ST6GALNAC3: variants seen among roughly 807,000 people sequenced by gnomAD.
The protein encoded by ST6GALNAC3 is ST6 N-acetylgalactosaminide alpha-2,6-sialyltransferase 3.
A neutral mutation model predicts 32.7 loss-of-function variants in ST6GALNAC3; 25 were observed. The observed-to-expected ratio is 0.76, with a 90% CI of 0.56 to 1.07. The LOEUF (loss-of-function observed/expected upper bound fraction) is 1.07. ST6GALNAC3 is among the 50% of genes least tolerant of loss of function. The probability of loss-of-function intolerance (pLI) is 0.00; values close to 1 mark genes in which losing one functional copy is unlikely to be tolerated. For missense variants in ST6GALNAC3, 355 were observed against 382.4 expected, an observed-to-expected ratio of 0.93 and a Z score of 0.60; for synonymous variants, 129 against 133.1, an observed-to-expected ratio of 0.97 and a Z score of 0.21.
intron 1 of ST6GALNAC3, among the ~76,000 whole-genome samples, chr1:76,157,583 C>T (rs528898671): frequency 5.9e-5 from 9 of 152,324 alleles, no homozygotes; most frequent in African/African-American, 2.2e-4. Flanking sequence ...GGGTTGTTCA[C>T]ATATGTACCA....
intron 3 of ST6GALNAC3, among the ~76,000 whole-genome samples, chr1:76,457,622 A>G (rs1657929246): frequency 6.6e-6 from 1 of 152,072 alleles, no homozygotes. Context: ...TGAGAAAAAC[A>G]AGCAATGGGG....
chr1:76,287,774 C>T (rs1659868324), intron 1 of ST6GALNAC3, among the ~76,000 whole-genome samples: 1 of 152,210 alleles, frequency 6.6e-6, no homozygotes. Flanking sequence ...TCCAGAGCAT[C>T]TGCCAGTTTC....
intron 2 of ST6GALNAC3, among the ~76,000 whole-genome samples, chr1:76,339,549 C>T (rs1188732128): frequency 6.6e-6 from 1 of 152,154 alleles, no homozygotes; most frequent in African/African-American, 2.4e-5. Context: ...ATTACAGCAG[C>T]AATGGGAAAC....
intron 3 of ST6GALNAC3, among the ~76,000 whole-genome samples, chr1:76,592,425 A>G (rs1345234061): frequency 6.6e-6 from 1 of 152,182 alleles, no homozygotes; most frequent in Non-Finnish European, 1.5e-5. Context: ...CAGAAATGAG[A>G]AAAGGGTTGA....
intron 3 of ST6GALNAC3, among the ~76,000 whole-genome samples, chr1:76,480,981 A>G (rs558077655): frequency 1.3e-5 from 2 of 152,248 alleles, no homozygotes; most frequent in South Asian, 4.1e-4. Context: ...TAAGGGACAG[A>G]GTTGTAATTC....
chr1:76,576,374 A>G (rs1422194813), intron 3 of ST6GALNAC3, among the ~76,000 whole-genome samples: 13 of 152,062 alleles, frequency 8.5e-5, no homozygotes, highest in Admixed American at 7.2e-4. Flanking sequence ...TTTTGATGTT[A>G]CAAAATGTCC....
chr1:76,561,496 T>G (rs1665239477), intron 3 of ST6GALNAC3, among the ~76,000 whole-genome samples: 1 of 152,072 alleles, frequency 6.6e-6, no homozygotes, highest in Non-Finnish European at 1.5e-5. Flanking sequence ...AGAAGATATA[T>G]AAATGGCCAA....
intron 3 of ST6GALNAC3, among the ~76,000 whole-genome samples, chr1:76,611,196 G>A (rs1647910245): frequency 6.6e-6 from 1 of 151,470 alleles, no homozygotes; most frequent in African/African-American, 2.4e-5. Context: ...TACTCTTAAG[G>A]TATAATAATG....
chr1:76,177,383 T>C (rs1432962440), intron 1 of ST6GALNAC3, among the ~76,000 whole-genome samples: 2 of 152,176 alleles, frequency 1.3e-5, no homozygotes, highest in Admixed American at 6.5e-5. Flanking sequence ...TCCTGTGATA[T>C]GCATTTTCTC....
At chr1:76,577,044 C>T (rs1444249757) in intron 3 of ST6GALNAC3, 1 of 1,148,368 alleles carries the variant, frequency 8.7e-7, no homozygotes. Context: ...AAGTTCTTTC[C>T]CTTTGTAGAC....
intron 1 of ST6GALNAC3, among the ~76,000 whole-genome samples, chr1:76,154,333 T>A (rs1477406886): frequency 6.6e-6 from 1 of 152,104 alleles, no homozygotes; most frequent in Non-Finnish European, 1.5e-5. Flanking sequence ...CTTAAAGCAA[T>A]CGTACTGGGG....
chr1:76,091,737 C>T (rs896694414), intron 1 of ST6GALNAC3, among the ~76,000 whole-genome samples: 4 of 152,128 alleles, frequency 2.6e-5, no homozygotes, highest in African/African-American at 9.7e-5. Context: ...CAGTAATGTG[C>T]TGTATGGGTT....
chr1:76,126,799 C>T (rs1373800126), intron 1 of ST6GALNAC3, among the ~76,000 whole-genome samples: 1 of 152,136 alleles, frequency 6.6e-6, no homozygotes, highest in African/African-American at 2.4e-5. Context: ...TGTAAAGTGC[C>T]TCACTCCCAG....
At chr1:76,341,613 C>CTTCA (rs1647988038) in intron 2 of ST6GALNAC3, among the ~76,000 whole-genome samples, 1 of 91,642 alleles carries the variant, frequency 1.1e-5, no homozygotes, top group African/African-American at 4.7e-5. Context: ...GCTTTTCTTT[C>CTTCA]TTTCTTTCTT....
In ST6GALNAC3 at chr1:76,628,592, T is replaced by C. The variant is rs374852207; in HGVS notation, c.732-28T>C. The C allele has an allele frequency of 8.4e-6, 13 of 1,552,730 alleles. No homozygotes were observed. The African/African-American group carries it at 1.8e-4, about 22-fold the overall frequency. ...GCTTCATTCTTCATCTCAATCTTTC[T>C]CTCCTTTTCTTTTTTTTTCTTTTCT... On this transcript the variant is annotated intron_variant, in intron 4 of 4. Coordinates refer to ENST00000328299, the MANE Select transcript of ST6GALNAC3 (RefSeq NM_152996.4).
At chr1:76,602,540 A>G in intron 3 of ST6GALNAC3, among the ~76,000 whole-genome samples, 1 of 152,248 alleles carries the variant, frequency 6.6e-6, no homozygotes, top group Admixed American at 6.5e-5. Flanking sequence ...TAAATAATAG[A>G]TTTGTAATTC....
chr1:76,210,045 T>C (rs1424451876), intron 1 of ST6GALNAC3, among the ~76,000 whole-genome samples: 4 of 8,910 alleles, frequency 4.5e-4, no homozygotes, highest in Non-Finnish European at 4.3e-3. Context: ...AGAGCTGCGT[T>C]TTTTTTTTTC....
chr1:76,313,161 G>C (rs892067510), intron 1 of ST6GALNAC3, among the ~76,000 whole-genome samples: 2 of 152,072 alleles, frequency 1.3e-5, no homozygotes, highest in South Asian at 4.2e-4. Flanking sequence ...GAGTGATAAT[G>C]ATACTGTGTC....
At chr1:76,595,132 G>A (rs1310802800) in intron 3 of ST6GALNAC3, among the ~76,000 whole-genome samples, 3 of 152,122 alleles carry the variant, frequency 2.0e-5, no homozygotes, top group Non-Finnish European at 4.4e-5. Context: ...CTAGGGGACT[G>A]CTGAAGAGTG....
Sources: allele counts gnomAD v4.1 joint callset (sites outside exome capture counted in the v4.1 genomes callset), GRCh38; gene constraint gnomAD v4.1.1; transcripts MANE v1.5; gene names NCBI Gene and HGNC (gene_info 2026-07-23, HGNC 2026-07-21).